Variants in ANKRD39 observed in about 807,000 individuals in gnomAD.
ANKRD39 encodes the protein ankyrin repeat domain 39.
A neutral mutation model predicts 20.3 loss-of-function variants in ANKRD39; 18 were observed. The ratio of observed to expected loss-of-function variants is 0.89; its 90% CI spans 0.61 to 1.32. The LOEUF is 1.32. ANKRD39 is among the 40% of genes most tolerant of loss of function. The pLI is 0.00. For synonymous variants in ANKRD39, 106 were observed against 111.9 expected (o/e 0.95, Z 0.33); for missense variants, 243 against 250.7 (o/e 0.97, Z 0.21).
At chr2:96,856,636 C>T (rs1057172549) in intron 1 of ANKRD39, among the ~76,000 whole-genome samples, 3 of 152,216 alleles carry the variant, frequency 2.0e-5, no homozygotes, top group African/African-American at 7.2e-5. Context: ...TCTCTCATCT[C>T]TACCTACTAC....
At chr2:96,851,344 C>T (rs558572015) in intron 3 of ANKRD39, among the ~76,000 whole-genome samples, 29 of 152,176 alleles carry the variant, frequency 1.9e-4, no homozygotes, top group South Asian at 4.1e-4. Context: ...TTAGTAGAGA[C>T]GGGGTTTCTC....
chr2:96,854,789 A>C (rs1190446817), intron 1 of ANKRD39, among the ~76,000 whole-genome samples: 1 of 152,176 alleles, frequency 6.6e-6, no homozygotes, highest in African/African-American at 2.4e-5. Context: ...ATGCCCAGCA[A>C]ATTTTTCTAT....
At chr2:96,851,380 T>A (rs2079836418) in intron 3 of ANKRD39, among the ~76,000 whole-genome samples, 1 of 152,128 alleles carries the variant, frequency 6.6e-6, no homozygotes, top group Non-Finnish European at 1.5e-5. Context: ...GGTCTTGAAC[T>A]CCCGACCTCA....
chr2:96,848,371 TCCCGGATGG>T lies in ANKRD39; in HGVS notation c.473_481del (p.Ala158_Arg160del), dbSNP rs1559024200. The T allele has an allele frequency of 6.2e-7, 1 of 1,614,164 alleles. No individual in the cohort carries two copies. Among genetic ancestry groups the T allele is most frequent in the Admixed American group, 1.7e-5 (1 of 60,020 alleles). ...GTCACATGCTAGCCGTGCCTTTCGG[TCCCGGATGG>T]CCTTCAGGGCTGGGCTGTGTTGCAG... is the stretch of plus-strand genomic sequence containing the variant. On this transcript the variant is annotated inframe_deletion, in exon 4 of 4. Coordinates refer to ENST00000393537, the MANE Select transcript of ANKRD39 (RefSeq NM_016466.6).
intron 3 of ANKRD39, among the ~76,000 whole-genome samples, chr2:96,852,027 G>C (rs1015379612): frequency 7.9e-5 from 12 of 151,974 alleles, no homozygotes; most frequent in Non-Finnish European, 1.3e-4. Flanking sequence ...AATTTTAAAA[G>C]CCTGGGCAAT....
intron 1 of ANKRD39, among the ~76,000 whole-genome samples, chr2:96,855,451 G>A (rs917717089): frequency 1.3e-5 from 2 of 152,214 alleles, no homozygotes; most frequent in African/African-American, 4.8e-5. Flanking sequence ...TTGGCCAGGC[G>A]CAGTGGCTCA....
chr2:96,854,296 T>G (rs1039649315), intron 2 of ANKRD39, 42 bp downstream of exon 2: 1 of 1,589,626 alleles, frequency 6.3e-7, no homozygotes, highest in South Asian at 1.1e-5. Flanking sequence ...TCTCCTGAGT[T>G]AACGCTTCTG....
At position 96,853,621 on chromosome 2, in the gene ANKRD39, C is replaced by T. The variant is rs1459201601; in HGVS notation, c.205-17G>A. Reference sequence around the variant, plus strand: ...GGCATAGTGCTGCAGGGAACAGAGACCGAGGTCAGATGGGAGAAGCCAGGC... The same window carrying T: ...GGCATAGTGCTGCAGGGAACAGAGATCGAGGTCAGATGGGAGAAGCCAGGC... On this transcript the variant is annotated splice_polypyrimidine_tract_variant and intron_variant, in intron 2 of 3. Transcript: ENST00000393537. The T allele has an allele frequency of 1.4e-5, 23 of 1,609,878 alleles. No homozygotes were observed. Among genetic ancestry groups the T allele is most frequent in the Non-Finnish European group, 1.9e-5 (22 of 1,178,926 alleles).
rs558711728 is a variant in ANKRD39, at chr2:96,848,105, T to A, written c.*196A>T. The A allele has an allele frequency of 1.7e-6, 1 of 583,800 alleles. No individual in the cohort carries two copies. Among genetic ancestry groups the A allele is most frequent in the South Asian group, 3.4e-5 (1 of 29,616 alleles). The allele number at this position is 583,800 out of a possible 1,614,324, so 36.2% of individuals were successfully genotyped here. On this transcript the variant is annotated 3_prime_UTR_variant, in exon 4 of 4. Transcript: ENST00000393537. ...ATGTCTCATATGAACTAATTTAGAA[T>A]ATGATCATCTGTCCAGTCTTAAACA...
intron 1 of ANKRD39, among the ~76,000 whole-genome samples, chr2:96,855,490 C>T (rs1428983915): frequency 2.0e-5 from 3 of 152,086 alleles, no homozygotes; most frequent in Admixed American, 1.3e-4. Context: ...TTTGGGAGGC[C>T]GAGGCGGGTG....
chr2:96,853,905 T>C (rs963046681), intron 2 of ANKRD39, among the ~76,000 whole-genome samples: 16 of 152,218 alleles, frequency 1.1e-4, no homozygotes, highest in African/African-American at 3.6e-4. Flanking sequence ...GGCAGGCGGA[T>C]CACCTGAAGT....
At chr2:96,856,513 A>G (rs1272801697) in intron 1 of ANKRD39, among the ~76,000 whole-genome samples, 1 of 151,910 alleles carries the variant, frequency 6.6e-6, no homozygotes, top group Admixed American at 6.6e-5. Flanking sequence ...CATCAGAGTA[A>G]CTGGCCTAAC....
Position 96,853,413 on chromosome 2 carries a change from G to A in ANKRD39, c.396C>T (p.Thr132=), listed in dbSNP as rs769332660. 22 of 1,578,226 alleles carry A rather than the reference G, an allele frequency of 1.4e-5. No homozygotes were observed. Among genetic ancestry groups the A allele is most frequent in the Non-Finnish European group, 3.4e-6 (4 of 1,162,160 alleles). ...NPRVVDDDGM[T]SLHKAAERGH... ...GGAACGGGCCCACCTTATGCAGACT[G>A]GTCATGCCGTCGTCATCCACCACCC... The change falls in exon 3 of 4, where the codon ACC becomes ACT. Residue 132 remains threonine (T), a synonymous_variant. Transcript: ENST00000393537.
At chr2:96,852,579 C>T (rs552406598) in intron 3 of ANKRD39, among the ~76,000 whole-genome samples, 3 of 149,802 alleles carry the variant, frequency 2.0e-5, no homozygotes, top group Non-Finnish European at 4.4e-5. Context: ...CACAATAACT[C>T]ATGGACCTGG....
intron 1 of ANKRD39, 73 bp from the exon 2 acceptor site, chr2:96,854,514 A>G (rs2079853943): frequency 1.4e-6 from 2 of 1,380,740 alleles, no homozygotes; most frequent in Non-Finnish European, 2.1e-6. Flanking sequence ...TCTTGACCTC[A>G]GTTTTCTTGT....
chr2:96,857,634 C>A (rs1426650298), intron 1 of ANKRD39, among the ~76,000 whole-genome samples: 1 of 152,268 alleles, frequency 6.6e-6, no homozygotes, highest in Non-Finnish European at 1.5e-5. Context: ...CCCCGCTACT[C>A]GGGAGGGTTA....
Position 96,848,026 on chromosome 2 carries a change from C to A in ANKRD39, c.*275G>T. 3.3e-6 allele frequency: 1 copy of A among 302,894 alleles called. No individual in the cohort carries two copies. Among genetic ancestry groups the A allele is most frequent in the African/African-American group, 2.1e-5 (1 of 47,628 alleles). The allele number at this position is 302,894 out of a possible 1,614,324, so 18.8% of individuals were successfully genotyped here. A position where few individuals can be genotyped will look rare whatever the true frequency, so the allele number is the denominator to read the frequency against. On this transcript the variant is annotated 3_prime_UTR_variant, in exon 4 of 4. Coordinates refer to ENST00000393537, the MANE Select transcript of ANKRD39 (RefSeq NM_016466.6). ...TTAGATCTTTAATCTTGCAATTTAT[C>A]TTTGGGTGTGGGATGAGGTAAGGAT...
rs762113575 is a variant in ANKRD39 at position 96,857,923 on chromosome 2, A to G, written c.65T>C (p.Val22Ala). 3 of 1,584,156 alleles carry G rather than the reference A, an allele frequency of 1.9e-6. No individual in the cohort carries two copies. The highest frequency in any genetic ancestry group is 2.7e-5 in the African/African-American group (2 of 74,402). Residue 22 changes from valine (V) to alanine (A), a missense_variant, in exon 1 of 4, where the codon GTA becomes GCA. Transcript: ENST00000393537. ...CCSHPSAVLG[V>A]QQTLEEMDFE... Reference sequence around the variant, plus strand: ...GTCCATCTCCTCCAGCGTCTGCTGTACGCCGAGCACCGCGCTGGGATGCGA... The same window carrying G: ...GTCCATCTCCTCCAGCGTCTGCTGTGCGCCGAGCACCGCGCTGGGATGCGA...
At chr2:96,852,121 G>C (rs2153359760) in intron 3 of ANKRD39, among the ~76,000 whole-genome samples, 1 of 152,196 alleles carries the variant, frequency 6.6e-6, no homozygotes, top group South Asian at 2.1e-4. Flanking sequence ...TGAGGTAGGA[G>C]CATTGCTTGA....
Sources: gnomAD v4.1 joint callset for allele counts (sites outside exome capture counted in the v4.1 genomes callset) on GRCh38, gnomAD v4.1.1 for gene constraint, MANE v1.5 for transcripts, NCBI Gene and HGNC (gene_info 2026-07-23, HGNC 2026-07-21) for gene names.